Variants in PCDH15 observed in about 807,000 individuals in gnomAD.
The protein encoded by PCDH15 is protocadherin-15.
A neutral mutation model predicts 178.5 loss-of-function variants in PCDH15; 129 were observed. The observed-to-expected ratio is 0.72, with a 90% CI of 0.63 to 0.84. The LOEUF is 0.84. Among genes scored for constraint, PCDH15 ranks in the 40% least tolerant of loss-of-function variants. The pLI is 0.00. For synonymous variants in PCDH15, 800 were observed against 732.0 expected (o/e 1.09, Z -1.50); for missense variants, 2,230 against 2,099.9 (o/e 1.06, Z -1.21).
At chr10:55,598,512 TAATA>T (rs1842982565) in intron 2 of PCDH15, among the ~76,000 whole-genome samples, 1 of 80,640 alleles carries the variant, frequency 1.2e-5, no homozygotes, top group African/African-American at 4.4e-5. Context: ...CAGCAAACCC[TAATA>T]TATATATATA....
intron 2 of PCDH15, among the ~76,000 whole-genome samples, chr10:55,598,551 T>TATATATAGATAGATAG (rs1842989403): frequency 1.5e-5 from 1 of 64,912 alleles, no homozygotes; most frequent in African/African-American, 7.6e-5. Flanking sequence ...TATATATATA[T>TATATATAGATAGATAG]ATATATATAT....
At chr10:55,122,547 T>C (rs80285712) in intron 2 of PCDH15, among the ~76,000 whole-genome samples, 3 of 152,004 alleles carry the variant, frequency 2.0e-5, no homozygotes, top group Non-Finnish European at 4.4e-5. Flanking sequence ...GCATGTAAGA[T>C]AGAAATGAGA....
intron 3 of PCDH15, among the ~76,000 whole-genome samples, chr10:54,824,630 C>T (rs886962119): frequency 6.6e-6 from 1 of 152,114 alleles, no homozygotes; most frequent in African/African-American, 2.4e-5. Flanking sequence ...TGAAGTTCTG[C>T]CTCATTCCCC....
At chr10:54,390,078 T>G (rs1449021164) in intron 3 of PCDH15, among the ~76,000 whole-genome samples, 3 of 152,214 alleles carry the variant, frequency 2.0e-5, no homozygotes, top group Non-Finnish European at 4.4e-5. Context: ...AGACTTGGTT[T>G]CAGTTAGCCA....
intron 1 of PCDH15, among the ~76,000 whole-genome samples, chr10:55,169,384 T>A (rs1839273620): frequency 6.6e-6 from 1 of 152,214 alleles, no homozygotes; most frequent in Non-Finnish European, 1.5e-5. Flanking sequence ...TTATTCATGA[T>A]TAATCTCTAT....
chr10:54,897,810 T>C (rs1954570244), intron 2 of PCDH15, among the ~76,000 whole-genome samples: 1 of 152,214 alleles, frequency 6.6e-6, no homozygotes, highest in South Asian at 2.1e-4. Context: ...TCACAAGCAA[T>C]ATGGAAATAA....
At chr10:55,516,511 C>T (rs193129618) in intron 2 of PCDH15, among the ~76,000 whole-genome samples, 81 of 152,276 alleles carry the variant, frequency 5.3e-4, no homozygotes, top group African/African-American at 1.8e-3. Flanking sequence ...ACAACTCAGA[C>T]TGTGTCTTTC....
chr10:55,286,770 A>AGGCTTCTT (rs1842881981), intron 1 of PCDH15, among the ~76,000 whole-genome samples: 1 of 151,998 alleles, frequency 6.6e-6, no homozygotes, highest in African/African-American at 2.4e-5. Context: ...TTGAAAAGTC[A>AGGCTTCTT]GGCTTCTTCC....
chr10:54,863,411 G>A (rs973868875), intron 3 of PCDH15, among the ~76,000 whole-genome samples: 1 of 152,016 alleles, frequency 6.6e-6, no homozygotes, highest in East Asian at 1.9e-4. Flanking sequence ...GCATGGTGGC[G>A]GGTCCCTGTA....
At chr10:54,298,961 G>A (rs2059969443) in intron 8 of PCDH15, among the ~76,000 whole-genome samples, 2 of 152,226 alleles carry the variant, frequency 1.3e-5, no homozygotes, top group South Asian at 4.1e-4. Context: ...GAAAGAAAGG[G>A]AGTTCCTAAC....
chr10:54,807,394 A>C (rs1173551002), intron 3 of PCDH15, among the ~76,000 whole-genome samples: 1 of 152,164 alleles, frequency 6.6e-6, no homozygotes, highest in Non-Finnish European at 1.5e-5. Context: ...AAATATTTCC[A>C]AAAATAAACC....
At chr10:53,838,292 T>A (rs2077432685) in intron 29 of PCDH15, among the ~76,000 whole-genome samples, 1 of 151,916 alleles carries the variant, frequency 6.6e-6, no homozygotes, top group African/African-American at 2.4e-5. Context: ...TATTTTATGA[T>A]TTATATATAT....
intron 3 of PCDH15, among the ~76,000 whole-genome samples, chr10:54,417,053 T>G (rs897734389): frequency 1.3e-5 from 2 of 152,084 alleles, no homozygotes; most frequent in African/African-American, 4.8e-5. Context: ...AAAAATTTTC[T>G]CCCATTAATA....
At chr10:55,507,537 T>A (rs1157099879) in intron 2 of PCDH15, among the ~76,000 whole-genome samples, 1 of 151,622 alleles carries the variant, frequency 6.6e-6, no homozygotes, top group Non-Finnish European at 1.5e-5. Flanking sequence ...GAGTTTTCTT[T>A]TCTTTTCTTT....
At chr10:54,501,870 G>A (rs1045123177) in intron 3 of PCDH15, among the ~76,000 whole-genome samples, 2 of 151,932 alleles carry the variant, frequency 1.3e-5, no homozygotes, top group Admixed American at 6.6e-5. Flanking sequence ...TCCCCCAAGG[G>A]TAAGAAAATA....
chr10:54,048,794 A>G (rs1387000322), intron 18 of PCDH15, among the ~76,000 whole-genome samples: 1 of 152,066 alleles, frequency 6.6e-6, no homozygotes, highest in East Asian at 1.9e-4. Flanking sequence ...GAAGTAGGAT[A>G]ATGTGATGCC....
intron 2 of PCDH15, among the ~76,000 whole-genome samples, chr10:55,466,825 G>A (rs1360260926): frequency 6.6e-6 from 1 of 152,054 alleles, no homozygotes; most frequent in African/African-American, 2.4e-5. Context: ...TCTTTCTAGC[G>A]TCTCCCACTA....
chr10:54,624,996 A>C (rs2093500067), intron 2 of PCDH15, among the ~76,000 whole-genome samples: 1 of 152,096 alleles, frequency 6.6e-6, no homozygotes, highest in Non-Finnish European at 1.5e-5. Context: ...AATGCACTTG[A>C]ATTGTCCTAA....
chr10:54,806,576 C>A (rs1345445784), intron 3 of PCDH15, among the ~76,000 whole-genome samples: 1 of 148,778 alleles, frequency 6.7e-6, no homozygotes, highest in African/African-American at 2.5e-5. Flanking sequence ...TTTTGCCTCC[C>A]GGGTTCGAGC....
Sources: allele counts gnomAD v4.1 joint callset (sites outside exome capture counted in the v4.1 genomes callset), GRCh38; gene constraint gnomAD v4.1.1; transcripts MANE v1.5; gene names NCBI Gene and HGNC (gene_info 2026-07-23, HGNC 2026-07-21).